RARB: variants seen among roughly 807,000 people sequenced by gnomAD.
The protein encoded by RARB is HBV-activated protein.
Under a neutral mutation model 51.9 loss-of-function variants are expected in RARB, and 17 were observed. The ratio of observed to expected loss-of-function variants is 0.33; its 90% CI spans 0.22 to 0.49. The LOEUF (loss-of-function observed/expected upper bound fraction) is 0.49, where lower values mean the gene tolerates loss of function less well. Among genes scored for constraint, RARB ranks in the 20% least tolerant of loss-of-function variants. The probability of loss-of-function intolerance (pLI) is 0.99; values close to 1 mark genes in which losing one functional copy is unlikely to be tolerated. For missense variants in RARB, 369 were observed against 550.8 expected (o/e 0.67, Z 3.30); for synonymous variants, 215 against 195.4 (o/e 1.10, Z -0.84).
intron 3 of RARB, among the ~76,000 whole-genome samples, chr3:25,520,077 A>G (rs1698339987): frequency 6.6e-6 from 1 of 152,200 alleles, no homozygotes; most frequent in South Asian, 2.1e-4. Flanking sequence ...TCACTTATGT[A>G]TTGTCTGCTG....
At chr3:25,031,778 G>A (rs1293111279) in intron 2 of RARB, among the ~76,000 whole-genome samples, 1 of 152,060 alleles carries the variant, frequency 6.6e-6, no homozygotes, top group Non-Finnish European at 1.5e-5. Flanking sequence ...AACTAAAAAG[G>A]GCAGTTGCAA....
intron 2 of RARB, among the ~76,000 whole-genome samples, chr3:24,889,708 G>GTGTGTGTGTGTA (rs1703340757): frequency 6.7e-6 from 1 of 149,518 alleles, no homozygotes. Context: ...GTGTGTGTGT[G>GTGTGTGTGTGTA]TACATTTAAA....
At chr3:24,906,932 A>T (rs572224953) in intron 2 of RARB, among the ~76,000 whole-genome samples, 2 of 151,848 alleles carry the variant, frequency 1.3e-5, no homozygotes, top group South Asian at 2.1e-4. Flanking sequence ...AATATTCAGT[A>T]TTGTTGTTGG....
rs1703267656 is a variant in RARB at position 24,886,445 on chromosome 3, A to C, written c.-380+27693A>C. 2.9e-5 allele frequency among the ~76,000 whole-genome samples: 3 copies of C among 104,116 alleles called. No homozygotes were observed. The South Asian group carries it at 9.5e-4, about 33-fold the overall frequency. 68.3% of individuals were successfully genotyped at this position (104,116 alleles called of 152,430 possible). A position where few individuals can be genotyped will look rare whatever the true frequency, so the allele number is the denominator to read the frequency against. ...TCCCAGCATAAAGTATCTGTAAACAAACTTTTTTTTTTTTTTTGAGACAGG... is the reference window on the plus strand; with the variant it reads ...TCCCAGCATAAAGTATCTGTAAACACACTTTTTTTTTTTTTTTGAGACAGG... On this transcript the variant is annotated intron_variant, in intron 2 of 11. Transcript: ENST00000383772.
intron 5 of RARB, among the ~76,000 whole-genome samples, chr3:25,203,460 T>G (rs1349765059): frequency 2.6e-5 from 4 of 152,214 alleles, no homozygotes; most frequent in African/African-American, 9.6e-5. Flanking sequence ...ATGTGTGAAT[T>G]TGATCCTGTC....
At chr3:24,878,024 A>G (rs1241349056) in intron 2 of RARB, among the ~76,000 whole-genome samples, 6 of 152,200 alleles carry the variant, frequency 3.9e-5, no homozygotes, top group Non-Finnish European at 8.8e-5. Flanking sequence ...TAATAAAAGT[A>G]CTACACGTGC....
intron 3 of RARB, among the ~76,000 whole-genome samples, chr3:25,529,078 A>C (rs897012817): frequency 2.0e-5 from 3 of 152,058 alleles, no homozygotes; most frequent in Non-Finnish European, 2.9e-5. Context: ...CAATGAGATG[A>C]GGAGTAATTA....
intron 3 of RARB, among the ~76,000 whole-genome samples, chr3:25,522,814 A>G (rs1698458463): frequency 6.6e-6 from 1 of 152,088 alleles, no homozygotes; most frequent in Non-Finnish European, 1.5e-5. Context: ...TATATTTTGA[A>G]ACTGTATGTT....
chr3:25,423,485 T>C (rs958721734), upstream of RARB, among the ~76,000 whole-genome samples: 4 of 152,188 alleles, frequency 2.6e-5, no homozygotes. Flanking sequence ...CATAAGACCA[T>C]ACTGGTATAA....
chr3:25,278,413 T>C (rs947403101), intron 5 of RARB, among the ~76,000 whole-genome samples: 7 of 152,200 alleles, frequency 4.6e-5, no homozygotes, highest in African/African-American at 1.4e-4. Flanking sequence ...GAAATAAATA[T>C]TCTCTAGCCA....
chr3:25,245,256 CA>C (rs1702530466), intron 5 of RARB, among the ~76,000 whole-genome samples: 1 of 152,048 alleles, frequency 6.6e-6, no homozygotes, highest in Non-Finnish European at 1.5e-5. Context: ...GATCTTTATC[CA>C]ATTTGCCAAT....
At chr3:25,374,563 C>T (rs1192790370) in intron 5 of RARB, among the ~76,000 whole-genome samples, 2 of 152,062 alleles carry the variant, frequency 1.3e-5, no homozygotes, top group African/African-American at 4.8e-5. Context: ...AACACAGCTC[C>T]CTGCTGCTCC....
intron 5 of RARB, among the ~76,000 whole-genome samples, chr3:25,386,583 G>A (rs1355939329): frequency 1.3e-5 from 2 of 152,226 alleles, no homozygotes; most frequent in Non-Finnish European, 2.9e-5. Flanking sequence ...TCAGGCGGAG[G>A]CCTTGGGCCT....
intron 2 of RARB, among the ~76,000 whole-genome samples, chr3:25,000,322 G>A (rs1485047470): frequency 6.6e-6 from 1 of 152,116 alleles, no homozygotes; most frequent in Non-Finnish European, 1.5e-5. Context: ...AAATTCAAGG[G>A]AGTGGGAGGA....
At chr3:24,922,952 A>G (rs1051128890) in intron 2 of RARB, among the ~76,000 whole-genome samples, 8 of 152,194 alleles carry the variant, frequency 5.3e-5, no homozygotes. Flanking sequence ...GTAATTACGA[A>G]TCAAAAAGTT....
intron 5 of RARB, among the ~76,000 whole-genome samples, chr3:25,336,090 A>C (rs912293142): frequency 6.6e-6 from 1 of 152,248 alleles, no homozygotes; most frequent in Non-Finnish European, 1.5e-5. Flanking sequence ...AAACATTCAA[A>C]GCATGCTGTG....
chr3:25,119,762 C>G (rs1699749756), intron 3 of RARB, among the ~76,000 whole-genome samples: 1 of 151,928 alleles, frequency 6.6e-6, no homozygotes, highest in Non-Finnish European at 1.5e-5. Context: ...TAGCAAATGG[C>G]TACAATAAAC....
intron 3 of RARB, among the ~76,000 whole-genome samples, chr3:25,542,715 A>C (rs1025095023): frequency 2.6e-5 from 4 of 152,236 alleles, no homozygotes; most frequent in African/African-American, 9.6e-5. Flanking sequence ...TGCAATAAGC[A>C]TTTCCATGTG....
chr3:24,957,213 G>C (rs1696036638), intron 2 of RARB, among the ~76,000 whole-genome samples: 1 of 152,156 alleles, frequency 6.6e-6, no homozygotes, highest in African/African-American at 2.4e-5. Context: ...CAACACAGAA[G>C]CCCTAGTTGT....
Sources: gnomAD v4.1 joint callset for allele counts (sites outside exome capture counted in the v4.1 genomes callset) on GRCh38, gnomAD v4.1.1 for gene constraint, MANE v1.5 for transcripts, NCBI Gene and HGNC (gene_info 2026-07-23, HGNC 2026-07-21) for gene names.